TMEFF2: variants seen among roughly 807,000 people sequenced by gnomAD.
The protein encoded by TMEFF2 is tomoregulin-2.
Under a neutral mutation model 53.8 loss-of-function variants are expected in TMEFF2, and 28 were observed. The ratio of observed to expected loss-of-function variants is 0.52; its 90% CI spans 0.39 to 0.71. The LOEUF (loss-of-function observed/expected upper bound fraction) is 0.71, where lower values mean the gene tolerates loss of function less well. Among genes scored for constraint, TMEFF2 ranks in the 30% least tolerant of loss-of-function variants. The pLI is 0.00. For synonymous variants in TMEFF2, 162 were observed against 166.3 expected (o/e 0.97, Z 0.20); for missense variants, 353 against 455.2 (o/e 0.78, Z 2.04).
chr2:191,963,876 T>C (rs2105794865), intron 7 of TMEFF2, among the ~76,000 whole-genome samples: 1 of 152,328 alleles, frequency 6.6e-6, no homozygotes. Flanking sequence ...ATTGTGTTAA[T>C]ACTTAACATG....
chr2:192,134,759 C>T (rs1047752835), intron 4 of TMEFF2, among the ~76,000 whole-genome samples: 4 of 152,148 alleles, frequency 2.6e-5, no homozygotes, highest in Admixed American at 2.0e-4. Context: ...AGAAGGCCAC[C>T]GCAGCCATTT....
At chr2:192,016,721 GT>G (rs1241606412) in intron 5 of TMEFF2, among the ~76,000 whole-genome samples, 15 of 152,188 alleles carry the variant, frequency 9.9e-5, no homozygotes. Flanking sequence ...GCTAAGTTGT[GT>G]TTTCTTGAGC....
intron 4 of TMEFF2, among the ~76,000 whole-genome samples, chr2:192,065,713 G>T (rs895954971): frequency 6.6e-6 from 1 of 151,492 alleles, no homozygotes; most frequent in Non-Finnish European, 1.5e-5. Context: ...TAGCTAAAAT[G>T]ACTATCGAGT....
At chr2:192,120,159 G>A (rs1341080744) in intron 4 of TMEFF2, among the ~76,000 whole-genome samples, 1 of 152,104 alleles carries the variant, frequency 6.6e-6, no homozygotes, top group Non-Finnish European at 1.5e-5. Flanking sequence ...CCACAGCCCT[G>A]CTAAATACCC....
intron 4 of TMEFF2, among the ~76,000 whole-genome samples, chr2:192,102,065 T>A (rs1481583713): frequency 6.6e-6 from 1 of 152,152 alleles, no homozygotes; most frequent in African/African-American, 2.4e-5. Context: ...AGTTTTGGCG[T>A]GACTAAGCTA....
intron 5 of TMEFF2, among the ~76,000 whole-genome samples, chr2:192,046,899 C>A (rs1687635312): frequency 7.0e-6 from 1 of 143,502 alleles, no homozygotes; most frequent in Non-Finnish European, 1.5e-5. Flanking sequence ...TATGCAGATA[C>A]CTGTGTTACC....
chr2:191,985,839 A>G (rs932445785), intron 7 of TMEFF2, among the ~76,000 whole-genome samples: 1 of 152,188 alleles, frequency 6.6e-6, no homozygotes, highest in Non-Finnish European at 1.5e-5. Context: ...TTATTTCAGT[A>G]GGTAAGACAG....
At chr2:192,183,066 A>T (rs925189370) in intron 3 of TMEFF2, among the ~76,000 whole-genome samples, 16 of 152,012 alleles carry the variant, frequency 1.1e-4, no homozygotes, top group Non-Finnish European at 1.5e-5. Context: ...GCAAATAAAC[A>T]AATGGAGTAC....
intron 4 of TMEFF2, among the ~76,000 whole-genome samples, chr2:192,155,157 G>C (rs1690478610): frequency 6.6e-6 from 1 of 151,794 alleles, no homozygotes; most frequent in South Asian, 2.1e-4. Flanking sequence ...AAATCATTTA[G>C]ACAACAATAA....
Position 192,192,007 on chromosome 2 carries a change from C to T in TMEFF2, c.173-18G>A. On this transcript the variant is annotated intron_variant, in intron 1 of 9. Transcript: ENST00000272771. Reference sequence around the variant, plus strand: ...ATCATAACCTCAAATTCAAAGAGAACACTCCAGTCATTAAAACATCTTACA... The same window carrying T: ...ATCATAACCTCAAATTCAAAGAGAATACTCCAGTCATTAAAACATCTTACA... The T allele has an allele frequency of 6.6e-7, 1 of 1,520,088 alleles. No individual in the cohort carries two copies. The highest frequency in any genetic ancestry group is 9.1e-7 in the Non-Finnish European group (1 of 1,096,846). The allele number at this position is 1,520,088 out of a possible 1,614,324, so 94.2% of individuals were successfully genotyped here. A position where few individuals can be genotyped will look rare whatever the true frequency, so the allele number is the denominator to read the frequency against.
chr2:192,079,362 G>T (rs1688503230), intron 4 of TMEFF2, among the ~76,000 whole-genome samples: 2 of 152,160 alleles, frequency 1.3e-5, no homozygotes, highest in African/African-American at 4.8e-5. Flanking sequence ...GAAGGCTTCT[G>T]TAGCCTAATT....
At chr2:192,105,834 T>C (rs964332572) in intron 4 of TMEFF2, among the ~76,000 whole-genome samples, 8 of 151,954 alleles carry the variant, frequency 5.3e-5, no homozygotes, top group African/African-American at 1.9e-4. Context: ...AATTGTACCA[T>C]ATCCCAATTT....
At chr2:192,116,365 A>G (rs528022946) in intron 4 of TMEFF2, among the ~76,000 whole-genome samples, 1 of 152,134 alleles carries the variant, frequency 6.6e-6, no homozygotes, top group East Asian at 1.9e-4. Flanking sequence ...AAGAGTACAA[A>G]TTTTGGTTTA....
intron 4 of TMEFF2, among the ~76,000 whole-genome samples, chr2:192,103,252 G>A (rs1255892194): frequency 1.3e-5 from 2 of 151,990 alleles, no homozygotes; most frequent in Non-Finnish European, 2.9e-5. Flanking sequence ...TCCCAAAGTG[G>A]GTACAATTGC....
At position 191,991,164 on chromosome 2, in the gene TMEFF2, A is replaced by T. The variant is rs185490846; in HGVS notation, c.745+7098T>A. 5.0e-3 allele frequency among the ~76,000 whole-genome samples: 764 copies of T among 152,134 alleles called. 6 individuals carry two copies. Among genetic ancestry groups the T allele is most frequent in the African/African-American group, 0.018 (731 of 41,540 alleles). On this transcript the variant is annotated intron_variant, in intron 7 of 9. Transcript: ENST00000272771. ...ACGTGTTAATGTGCTGAAAACTTAT[A>T]AATAAGTATTCAATAAATATTTCTT...
At chr2:192,188,324 A>G (rs1031675250) in intron 2 of TMEFF2, among the ~76,000 whole-genome samples, 3 of 152,094 alleles carry the variant, frequency 2.0e-5, no homozygotes, top group Admixed American at 6.5e-5. Context: ...TGACTTTGAA[A>G]CTCAGCCACT....
chr2:192,016,759 G>C (rs1253322622), intron 5 of TMEFF2, among the ~76,000 whole-genome samples: 4 of 152,190 alleles, frequency 2.6e-5, no homozygotes, highest in African/African-American at 9.7e-5. Context: ...TCTTCCAATT[G>C]AGTAATAAAG....
chr2:192,022,946 G>T (rs1378963917), intron 5 of TMEFF2, among the ~76,000 whole-genome samples: 1 of 152,002 alleles, frequency 6.6e-6, no homozygotes, highest in East Asian at 1.9e-4. Context: ...TAAGTATTAT[G>T]TTTGATTTCC....
intron 7 of TMEFF2, among the ~76,000 whole-genome samples, chr2:191,994,884 T>A (rs1209751706): frequency 6.6e-6 from 1 of 151,984 alleles, no homozygotes; most frequent in Non-Finnish European, 1.5e-5. Context: ...TCCAAAGCCC[T>A]TTATTCAAAG....
Sources: allele counts gnomAD v4.1 joint callset (sites outside exome capture counted in the v4.1 genomes callset), GRCh38; gene constraint gnomAD v4.1.1; transcripts MANE v1.5; gene names NCBI Gene and HGNC (gene_info 2026-07-23, HGNC 2026-07-21).